The following CFAP61 variants were observed in gnomAD, a reference collection of about 807,000 sequenced individuals.
CFAP61 encodes the protein cilia and flagella associated protein 61.
Under a neutral mutation model 135.6 loss-of-function variants are expected in CFAP61, and 107 were observed. That is an observed-to-expected ratio of 0.79 (90% CI 0.67 to 0.93). The LOEUF (loss-of-function observed/expected upper bound fraction) is 0.93, where lower values mean the gene tolerates loss of function less well. Among genes scored for constraint, CFAP61 ranks in the 40% least tolerant of loss-of-function variants. The pLI, the probability that CFAP61 is intolerant of heterozygous loss-of-function variation, is 0.00. For missense variants in CFAP61, 1,507 were observed against 1,556.2 expected, an observed-to-expected ratio of 0.97 and a Z score of 0.53; for synonymous variants, 575 against 578.5, an observed-to-expected ratio of 0.99 and a Z score of 0.09.
At chr20:20,356,105 GGT>G (rs2059137934) in intron 26 of CFAP61, among the ~76,000 whole-genome samples, 1 of 28,176 alleles carries the variant, frequency 3.5e-5, no homozygotes, top group Non-Finnish European at 1.7e-4. Flanking sequence ...TGTGAGGGGA[GGT>G]GGTCACACTG....
At chr20:20,182,237 C>T (rs1429636281) in intron 13 of CFAP61, among the ~76,000 whole-genome samples, 3 of 152,094 alleles carry the variant, frequency 2.0e-5, no homozygotes, top group Non-Finnish European at 2.9e-5. Context: ...TCTGTTGGTA[C>T]GGATGACATA....
intron 21 of CFAP61, among the ~76,000 whole-genome samples, chr20:20,268,668 T>C (rs2053012679): frequency 6.6e-6 from 1 of 152,218 alleles, no homozygotes; most frequent in South Asian, 2.1e-4. Context: ...GCTCAAATGC[T>C]GCTTTCAACT....
chr20:20,331,874 G>A (rs142950242), intron 25 of CFAP61, among the ~76,000 whole-genome samples: 199 of 152,328 alleles, frequency 1.3e-3, no homozygotes, highest in Non-Finnish European at 2.3e-3. Context: ...AAGGAAAATG[G>A]TTGTGCTCTC....
At chr20:20,309,260 A>G (rs1178009218) in intron 25 of CFAP61, among the ~76,000 whole-genome samples, 1 of 152,228 alleles carries the variant, frequency 6.6e-6, no homozygotes, top group Non-Finnish European at 1.5e-5. Flanking sequence ...ATATGTGTTT[A>G]TTACAGAAAA....
At chr20:20,136,102 G>A (rs1391591027) in intron 8 of CFAP61, among the ~76,000 whole-genome samples, 1 of 152,126 alleles carries the variant, frequency 6.6e-6, no homozygotes, top group East Asian at 1.9e-4. Context: ...TCTGCTGCCA[G>A]ACGTATTGGA....
At chr20:20,252,090 G>A (rs1380713245) in intron 20 of CFAP61, among the ~76,000 whole-genome samples, 1 of 152,244 alleles carries the variant, frequency 6.6e-6, no homozygotes. Context: ...AACCAGGCAT[G>A]CATTTGTGGT....
At chr20:20,287,506 C>T (rs1186546455) in intron 22 of CFAP61, among the ~76,000 whole-genome samples, 1 of 152,160 alleles carries the variant, frequency 6.6e-6, no homozygotes, top group Non-Finnish European at 1.5e-5. Context: ...ATATTTATAG[C>T]CTTGTATGAC....
chr20:20,314,220 CAAA>C (rs74180988), intron 25 of CFAP61, among the ~76,000 whole-genome samples: 21 of 95,378 alleles, frequency 2.2e-4, no homozygotes, highest in Admixed American at 6.0e-4. Context: ...CCCATCTCTA[CAAA>C]AAAAAAAAAA....
chr20:20,142,978 G>A (rs775511614), intron 9 of CFAP61, 30 bp downstream of exon 9: 17 of 1,377,226 alleles, frequency 1.2e-5, no homozygotes, highest in Non-Finnish European at 1.7e-5. Context: ...CATGCCTAGG[G>A]TGGGGGGATG....
intron 9 of CFAP61, among the ~76,000 whole-genome samples, chr20:20,148,583 G>T (rs536825477): frequency 6.6e-6 from 1 of 152,084 alleles, no homozygotes; most frequent in African/African-American, 2.4e-5. Context: ...TCTCAGCTTG[G>T]TCATTGTTGG....
chr20:20,304,272 CTGTG>C (rs532157100), intron 25 of CFAP61, among the ~76,000 whole-genome samples: 4 of 103,066 alleles, frequency 3.9e-5, no homozygotes, highest in Non-Finnish European at 6.0e-5. Context: ...CCATCGGTGA[CTGTG>C]TGTGTGTGTG....
intron 26 of CFAP61, among the ~76,000 whole-genome samples, chr20:20,346,709 G>A (rs760957006): frequency 4.6e-5 from 7 of 152,108 alleles, no homozygotes; most frequent in East Asian, 1.9e-4. Flanking sequence ...AATCCTTTAC[G>A]AAAGATATAA....
At chr20:20,350,468 A>C (rs1029529769) in intron 26 of CFAP61, among the ~76,000 whole-genome samples, 7 of 152,170 alleles carry the variant, frequency 4.6e-5, no homozygotes, top group Non-Finnish European at 1.0e-4. Flanking sequence ...ATCTCTACTA[A>C]AAATACAAAA....
rs2054065090 is a variant in CFAP61 at position 20,169,454 on chromosome 20, T to C, written c.1379T>C (p.Leu460Ser). 5 of 1,611,382 alleles carry C rather than the reference T, an allele frequency of 3.1e-6. No homozygotes were observed. The South Asian group carries it at 4.4e-5, about 14-fold the overall frequency. ...CTCTACGTCTTCCACCGGGCTGGAT[T>C]GCTCAAGTGAGTAGACACATGTTTG... ...QDLYVFHRAG[L>S]LKSINIRFAT... The change falls in exon 13 of 27, where the codon TTG becomes TCG. Residue 460 changes from leucine (L) to serine (S), a missense_variant. Coordinates refer to ENST00000245957, the MANE Select transcript of CFAP61 (RefSeq NM_015585.4).
At chr20:20,342,558 T>A (rs2058484909) in intron 26 of CFAP61, among the ~76,000 whole-genome samples, 1 of 152,218 alleles carries the variant, frequency 6.6e-6, no homozygotes, top group Admixed American at 6.5e-5. Context: ...AGTGAGTGGT[T>A]GAATCTCCAG....
At chr20:20,234,175 G>C (rs2049391848) in intron 18 of CFAP61, among the ~76,000 whole-genome samples, 1 of 152,176 alleles carries the variant, frequency 6.6e-6, no homozygotes, top group African/African-American at 2.4e-5. Flanking sequence ...GTGTGACAGG[G>C]AAGTGAGGAT....
At chr20:20,294,237 T>C (rs182010046) in intron 24 of CFAP61, among the ~76,000 whole-genome samples, 29 of 152,372 alleles carry the variant, frequency 1.9e-4, no homozygotes, top group African/African-American at 6.5e-4. Flanking sequence ...AGCAGCTTTC[T>C]ATGAGCAATT....
chr20:20,275,196 A>G (rs2053656493), intron 21 of CFAP61, among the ~76,000 whole-genome samples: 1 of 152,236 alleles, frequency 6.6e-6, no homozygotes, highest in Non-Finnish European at 1.5e-5. Context: ...TGAAACACAC[A>G]TGGTGCAAAC....
At chr20:20,271,493 A>C (rs940709555) in intron 21 of CFAP61, among the ~76,000 whole-genome samples, 3 of 152,136 alleles carry the variant, frequency 2.0e-5, no homozygotes, top group African/African-American at 4.8e-5. Context: ...GCACCCTTGC[A>C]CATTCTGTTT....
Sources: allele counts gnomAD v4.1 joint callset (sites outside exome capture counted in the v4.1 genomes callset), GRCh38; gene constraint gnomAD v4.1.1; transcripts MANE v1.5; gene names NCBI Gene and HGNC (gene_info 2026-07-23, HGNC 2026-07-21).